Variants in GALNT13 observed in about 807,000 individuals in gnomAD.
GALNT13 encodes the protein UDP-GalNAc:polypeptide N-acetylgalactosaminyltransferase 13.
A neutral mutation model predicts 64.2 loss-of-function variants in GALNT13; 28 were observed. The ratio of observed to expected loss-of-function variants is 0.44; its 90% confidence interval spans 0.32 to 0.60. The LOEUF (loss-of-function observed/expected upper bound fraction) is 0.60, where lower values mean the gene tolerates loss of function less well. Among genes scored for constraint, GALNT13 ranks in the 20% least tolerant of loss-of-function variants. The pLI is 0.05. For synonymous variants in GALNT13, 214 were observed against 224.6 expected (o/e 0.95, Z 0.42); for missense variants, 577 against 669.8 (o/e 0.86, Z 1.53).
At chr2:154,410,724 C>T (rs1010211864) in intron 11 of GALNT13, among the ~76,000 whole-genome samples, 1 of 151,114 alleles carries the variant, frequency 6.6e-6, no homozygotes, top group Non-Finnish European at 1.5e-5. Flanking sequence ...CAGCCATAAT[C>T]TGTTTGAACA....
chr2:153,396,653 C>T, the GALNT13 span, among the ~76,000 whole-genome samples: 3 of 151,996 alleles, frequency 2.0e-5, no homozygotes, highest in Non-Finnish European at 2.9e-5. Context: ...AATAATGTGA[C>T]CATACAGTGA....
chr2:153,815,896 C>A, the GALNT13 span, among the ~76,000 whole-genome samples: 1 of 152,152 alleles, frequency 6.6e-6, no homozygotes, highest in South Asian at 2.1e-4. Context: ...AGGTTTTAAA[C>A]CTACATCCTA....
At chr2:153,260,909 C>T in the GALNT13 span, among the ~76,000 whole-genome samples, 2 of 151,046 alleles carry the variant, frequency 1.3e-5, no homozygotes, top group Non-Finnish European at 2.9e-5. Context: ...TTTTGTCTCC[C>T]CTAGCTATGT....
intron 11 of GALNT13, among the ~76,000 whole-genome samples, chr2:154,424,794 T>C (rs1165715931): frequency 5.9e-5 from 9 of 152,234 alleles, no homozygotes; most frequent in Admixed American, 2.6e-4. Flanking sequence ...ACCATACTTG[T>C]CTTTTCTGAG....
the GALNT13 span, among the ~76,000 whole-genome samples, chr2:153,110,091 C>T: frequency 9.9e-5 from 15 of 152,138 alleles, 1 homozygote; most frequent in South Asian, 1.2e-3. Flanking sequence ...CTACCTTATT[C>T]GGATTAATAC....
chr2:154,419,240 G>A (rs1353948436), intron 11 of GALNT13, among the ~76,000 whole-genome samples: 1 of 152,070 alleles, frequency 6.6e-6, no homozygotes, highest in Non-Finnish European at 1.5e-5. Context: ...GTAGGAACTT[G>A]TGATCTGATC....
chr2:153,361,136 G>C, the GALNT13 span, among the ~76,000 whole-genome samples: 1 of 152,248 alleles, frequency 6.6e-6, no homozygotes, highest in African/African-American at 2.4e-5. Flanking sequence ...CCCTGCAAAA[G>C]AGGGACCTGA....
chr2:153,663,645 A>G, the GALNT13 span, among the ~76,000 whole-genome samples: 1 of 152,156 alleles, frequency 6.6e-6, no homozygotes, highest in Non-Finnish European at 1.5e-5. Context: ...CTGCAGCTCC[A>G]AACTGGGGGA....
chr2:153,989,758 C>T (rs1695039761), intron 3 of GALNT13, among the ~76,000 whole-genome samples: 1 of 151,950 alleles, frequency 6.6e-6, no homozygotes, highest in African/African-American at 2.4e-5. Flanking sequence ...TCTCATATGT[C>T]AGGGATTTAG....
At chr2:154,112,443 A>G (rs1703039827) in intron 3 of GALNT13, among the ~76,000 whole-genome samples, 1 of 152,216 alleles carries the variant, frequency 6.6e-6, no homozygotes, top group Non-Finnish European at 1.5e-5. Flanking sequence ...CCCATTGGTG[A>G]GCACTCACAT....
At chr2:153,718,381 C>G in the GALNT13 span, among the ~76,000 whole-genome samples, 1 of 151,366 alleles carries the variant, frequency 6.6e-6, no homozygotes, top group South Asian at 2.1e-4. Flanking sequence ...GTGTCTGTTC[C>G]TGCTCAAAGG....
intron 4 of GALNT13, among the ~76,000 whole-genome samples, chr2:154,164,727 A>T (rs1481761569): frequency 6.6e-6 from 1 of 152,140 alleles, no homozygotes; most frequent in African/African-American, 2.4e-5. Context: ...CAAATACTAG[A>T]AATTTAAATT....
intron 3 of GALNT13, among the ~76,000 whole-genome samples, chr2:153,954,493 A>G (rs550369629): frequency 6.6e-6 from 1 of 152,028 alleles, no homozygotes; most frequent in African/African-American, 2.4e-5. Context: ...ACTCTTATCC[A>G]CAATTCACTC....
At chr2:154,056,742 T>C (rs1269977613) in intron 3 of GALNT13, among the ~76,000 whole-genome samples, 3 of 152,130 alleles carry the variant, frequency 2.0e-5, no homozygotes, top group Non-Finnish European at 4.4e-5. Context: ...TTAGAGTTTA[T>C]ATGTATCATG....
At chr2:154,291,962 C>G (rs1692668967) in intron 8 of GALNT13, among the ~76,000 whole-genome samples, 1 of 152,142 alleles carries the variant, frequency 6.6e-6, no homozygotes, top group Non-Finnish European at 1.5e-5. Flanking sequence ...AGAGCCGAGC[C>G]CTCTGTAAAG....
the GALNT13 span, among the ~76,000 whole-genome samples, chr2:153,094,436 C>A: frequency 2.0e-5 from 3 of 152,120 alleles, no homozygotes; most frequent in Non-Finnish European, 4.4e-5. Flanking sequence ...TAGGAAGAAT[C>A]AATATTGTGA....
chr2:154,018,672 G>A (rs1403635671), intron 3 of GALNT13, among the ~76,000 whole-genome samples: 1 of 151,690 alleles, frequency 6.6e-6, no homozygotes, highest in East Asian at 1.9e-4. Context: ...AAGAGGGTGA[G>A]GGGCTGAGGG....
chr2:153,630,501 G>C, the GALNT13 span, among the ~76,000 whole-genome samples: 7 of 83,406 alleles, frequency 8.4e-5, no homozygotes, highest in Non-Finnish European at 1.5e-4. Flanking sequence ...ACTGTTGTGG[G>C]GTGGGGGGAG....
chr2:153,672,427 C>G, the GALNT13 span, among the ~76,000 whole-genome samples: 1 of 152,264 alleles, frequency 6.6e-6, no homozygotes, highest in Non-Finnish European at 1.5e-5. Flanking sequence ...TACATGGAAA[C>G]TAAACAACCT....
Sources: gnomAD v4.1 joint callset for allele counts (sites outside exome capture counted in the v4.1 genomes callset) on GRCh38, gnomAD v4.1.1 for gene constraint, MANE v1.5 for transcripts, NCBI Gene and HGNC (gene_info 2026-07-23, HGNC 2026-07-21) for gene names.